The following TMEM267 variants were observed in gnomAD, a reference collection of about 807,000 sequenced individuals.
The protein encoded by TMEM267 is transmembrane protein 267.
Under a neutral mutation model 19.3 loss-of-function variants are expected in TMEM267, and 20 were observed. The observed-to-expected ratio is 1.04, with a 90% confidence interval of 0.73 to 1.51. The LOEUF is 1.51. Among genes scored for constraint, TMEM267 ranks in the 40% most tolerant of loss-of-function variants. The probability of loss-of-function intolerance (pLI) is 0.00; values close to 1 mark genes in which losing one functional copy is unlikely to be tolerated. For synonymous variants in TMEM267, 88 were observed against 90.3 expected (o/e 0.97, Z 0.15); for missense variants, 242 against 261.9 (o/e 0.92, Z 0.52).
chr5:43,446,215 G>A lies in TMEM267; in HGVS notation c.*7C>T, dbSNP rs772916040. The A allele has an allele frequency of 5.6e-5, 88 of 1,585,384 alleles. 1 individual carries two copies. In the Admixed American group the frequency reaches 1.1e-3, roughly 20 times the overall value. The stretch of plus-strand genomic sequence containing the variant: ...AGCCATTTGCTTCTCTAAGACTGCC[G>A]TGTACCTCAGACATCAATACGAACT... On this transcript the variant is annotated 3_prime_UTR_variant, in exon 3 of 3. Coordinates refer to ENST00000397080, the MANE Select transcript of TMEM267 (RefSeq NM_022483.5).
At chr5:43,459,050 C>A (rs1295214145) in intron 1 of TMEM267, among the ~76,000 whole-genome samples, 1 of 151,706 alleles carries the variant, frequency 6.6e-6, no homozygotes, top group African/African-American at 2.4e-5. Flanking sequence ...TATCATCAAC[C>A]CTAAATGTCA....
At chr5:43,469,340 A>T (rs998855231) in intron 1 of TMEM267, among the ~76,000 whole-genome samples, 8 of 152,234 alleles carry the variant, frequency 5.3e-5, no homozygotes, top group African/African-American at 1.9e-4. Context: ...TCTCTGATGA[A>T]TATTGATGCA....
chr5:43,469,663 A>T (rs1023218480), intron 1 of TMEM267, among the ~76,000 whole-genome samples: 11 of 152,226 alleles, frequency 7.2e-5, no homozygotes, highest in Non-Finnish European at 1.6e-4. Context: ...CATACTGTGA[A>T]AGGAAAATAA....
At chr5:43,462,446 C>T (rs886477449) in intron 1 of TMEM267, among the ~76,000 whole-genome samples, 1 of 151,966 alleles carries the variant, frequency 6.6e-6, no homozygotes, top group Admixed American at 6.6e-5. Flanking sequence ...AAATAAGGCA[C>T]TAAAGACCAA....
chr5:43,454,385 TTTCCATA>T (rs772710804), intron 1 of TMEM267: 63 of 157,212 alleles, frequency 4.0e-4, no homozygotes, highest in Non-Finnish European at 7.3e-4. Context: ...CAACAACTAC[TTTCCATA>T]CTTCTGACAA....
chr5:43,455,372 G>A (rs765425473), intron 1 of TMEM267, among the ~76,000 whole-genome samples: 1 of 151,318 alleles, frequency 6.6e-6, no homozygotes, highest in Non-Finnish European at 1.5e-5. Flanking sequence ...GCAGTGGGCT[G>A]TAATCGTGCT....
chr5:43,456,536 T>C lies in TMEM267; in HGVS notation c.-74-2493A>G, dbSNP rs145648436. ...TGATAAAGGACTTACATCCAGAATA[T>C]ATAAAGAACTCTCAAAACAGAGTAA... On this transcript the variant is annotated intron_variant, in intron 1 of 2. Coordinates refer to ENST00000397080, the MANE Select transcript of TMEM267 (RefSeq NM_022483.5). Among the ~76,000 whole-genome samples the C allele has an allele frequency of 4.4e-4, 67 of 152,216 alleles. 2 individuals are homozygous for C. The highest frequency in any genetic ancestry group is 1.4e-3 in the African/African-American group (57 of 41,552).
At position 43,478,298 on chromosome 5, in the gene TMEM267, A is replaced by T. The variant is rs117322081; in HGVS notation, c.-75+5524T>A. Among the ~76,000 whole-genome samples, 1,198 of 152,344 alleles carry T rather than the reference A, an allele frequency of 7.9e-3. 11 individuals carry two copies. The highest frequency in any genetic ancestry group is 0.027 in the Middle Eastern group (8 of 294). ...CGTCACACCCCATGTTTTACAATAT[A>T]GACTCTTTCTCTGATTAAATTAAGA... is the stretch of plus-strand genomic sequence containing the variant. On this transcript the variant is annotated intron_variant, in intron 1 of 2. Transcript: ENST00000397080.
In TMEM267 at chr5:43,480,797, C is replaced by CTTTTTTTTT. The variant is rs869260304; in HGVS notation, c.-75+3016_-75+3024dup. On this transcript the variant is annotated intron_variant, in intron 1 of 2. Coordinates refer to ENST00000397080, the MANE Select transcript of TMEM267 (RefSeq NM_022483.5). ...ATATATTTAAATGTTAATAATCTTA[C>CTTTTTTTTT]TTTTTTTTTTTTTTTTTTTTTTTGA... is the stretch of plus-strand genomic sequence containing the variant. Among the ~76,000 whole-genome samples, 27 of 79,568 alleles carry CTTTTTTTTT rather than the reference C, an allele frequency of 3.4e-4. 1 individual carries two copies. Among genetic ancestry groups the CTTTTTTTTT allele is most frequent in the African/African-American group, 7.4e-4 (13 of 17,526 alleles). The allele number at this position is 79,568 out of a possible 152,430, so 52.2% of individuals were successfully genotyped here. A position where few individuals can be genotyped will look rare whatever the true frequency, so the allele number is the denominator to read the frequency against.
At chr5:43,468,727 A>G (rs1373630882) in intron 1 of TMEM267, among the ~76,000 whole-genome samples, 1 of 152,242 alleles carries the variant, frequency 6.6e-6, no homozygotes, top group Non-Finnish European at 1.5e-5. Context: ...CTGCAGACCA[A>G]ATCGATCTAA....
chr5:43,450,953 A>T (rs968902804), intron 2 of TMEM267, among the ~76,000 whole-genome samples: 2 of 149,764 alleles, frequency 1.3e-5, no homozygotes, highest in African/African-American at 4.9e-5. Flanking sequence ...TCTTGCCTCA[A>T]CCTCCCAAGT....
At position 43,446,506 on chromosome 5, in the gene TMEM267, G is replaced by GT; in HGVS notation, c.363_364insA (p.Pro122ThrfsTer93). 1 of 1,614,038 alleles carries GT rather than the reference G, an allele frequency of 6.2e-7. No homozygotes were observed. The highest frequency in any genetic ancestry group is 8.5e-7 in the Non-Finnish European group (1 of 1,179,944). Reference sequence around the variant, plus strand: ...AATTTCAGGGTCAGAACCACAACGGGAATCACAGTAGAACAGTGAAGGAAA... The same window carrying GT: ...AATTTCAGGGTCAGAACCACAACGGGTAATCACAGTAGAACAGTGAAGGAAA... On this transcript the variant is annotated frameshift_variant, in exon 3 of 3. Transcript: ENST00000397080. LOFTEE classifies it high-confidence loss of function.
Position 43,453,869 on chromosome 5 carries a change from T to G in TMEM267, c.101A>C (p.Asp34Ala), listed in dbSNP as rs752069538. Residue 34 changes from aspartate (D) to alanine (A), a missense_variant, in exon 2 of 3, where the codon GAC becomes GCC. By Grantham distance (126) the Asp-to-Ala change is moderately radical. Transcript: ENST00000397080. ...LGLGAFCLVA[D>A]RLLQFSTIQQ... Reference sequence around the variant, plus strand: ...AATTGTGGAAAACTGAAGAAGTCTGTCAGCTACGAGGCAAAATGCCCCCAG... The same window carrying G: ...AATTGTGGAAAACTGAAGAAGTCTGGCAGCTACGAGGCAAAATGCCCCCAG... The G allele has an allele frequency of 6.2e-7, 1 of 1,614,054 alleles. No individual in the cohort carries two copies. Among genetic ancestry groups the G allele is most frequent in the Non-Finnish European group, 8.5e-7 (1 of 1,179,998 alleles).
Position 43,468,425 on chromosome 5 carries a change from G to C in TMEM267, c.-74-14382C>G, listed in dbSNP as rs1025445792. ...AAAGAGCCAAGATGGAGTCTGTCTG[G>C]TTCTCTTAGCTAAGGGAGAGTCCAT... On this transcript the variant is annotated intron_variant, in intron 1 of 2. Coordinates refer to ENST00000397080, the MANE Select transcript of TMEM267 (RefSeq NM_022483.5). Among the ~76,000 whole-genome samples, 297 of 152,268 alleles carry C rather than the reference G, an allele frequency of 2.0e-3. 1 individual carries two copies. The highest frequency in any genetic ancestry group is 7.1e-3 in the African/African-American group (293 of 41,558).
chr5:43,454,575 G>C (rs894755636), intron 1 of TMEM267: 1 of 152,148 alleles, frequency 6.6e-6, no homozygotes, highest in Non-Finnish European at 1.5e-5. Context: ...TCCTCTTCTT[G>C]GAGGCCATGG....
At chr5:43,451,121 C>T (rs1474125175) in intron 2 of TMEM267, among the ~76,000 whole-genome samples, 1 of 152,136 alleles carries the variant, frequency 6.6e-6, no homozygotes, top group Admixed American at 6.5e-5. Context: ...GCCACCGCAC[C>T]CGGCCCATTT....
At chr5:43,464,130 C>CA (rs1204678268) in intron 1 of TMEM267, among the ~76,000 whole-genome samples, 8 of 151,924 alleles carry the variant, frequency 5.3e-5, no homozygotes, top group African/African-American at 1.9e-4. Context: ...AATCAATGTA[C>CA]AAAAATCACA....
chr5:43,463,948 TGGCCAGAGCAATTA>T (rs1208832426), intron 1 of TMEM267, among the ~76,000 whole-genome samples: 3 of 152,202 alleles, frequency 2.0e-5, no homozygotes, highest in Non-Finnish European at 4.4e-5. Flanking sequence ...TTGGAAGTTC[TGGCCAGAGCAATTA>T]GGCAGGAGAA....
chr5:43,473,057 G>A lies in TMEM267; in HGVS notation c.-75+10765C>T, dbSNP rs1027238337. Among the ~76,000 whole-genome samples, 40 of 143,188 alleles carry A rather than the reference G, an allele frequency of 2.8e-4. 1 individual carries two copies. The highest frequency in any genetic ancestry group is 7.7e-4 in the African/African-American group (29 of 37,844). The allele number at this position is 143,188 out of a possible 152,430, so 93.9% of individuals were successfully genotyped here. A position where few individuals can be genotyped will look rare whatever the true frequency, so the allele number is the denominator to read the frequency against. ...GGAGGCTGAGGCAGGAGAATCACTCGAACCCAGGAGGCGGAGGTTGCAGCA... is the reference window on the plus strand; with the variant it reads ...GGAGGCTGAGGCAGGAGAATCACTCAAACCCAGGAGGCGGAGGTTGCAGCA... On this transcript the variant is annotated intron_variant, in intron 1 of 2. Coordinates refer to ENST00000397080, the MANE Select transcript of TMEM267 (RefSeq NM_022483.5).
Sources: allele counts gnomAD v4.1 joint callset (sites outside exome capture counted in the v4.1 genomes callset), GRCh38; gene constraint gnomAD v4.1.1; transcripts MANE v1.5; gene names NCBI Gene and HGNC (gene_info 2026-07-23, HGNC 2026-07-21).